CCDC178: variants seen among roughly 807,000 people sequenced by gnomAD.
CCDC178 encodes coiled-coil domain-containing protein 178.
In CCDC178, 126 loss-of-function variants were observed where a neutral mutation model predicts 117.4. The observed-to-expected ratio is 1.07, with a 90% CI of 0.93 to 1.24. CCDC178 has a LOEUF of 1.24. Among genes scored for constraint, CCDC178 ranks in the 50% most tolerant of loss-of-function variants. The pLI is 0.00. For missense variants in CCDC178, 1,030 were observed against 986.9 expected, an observed-to-expected ratio of 1.04 and a Z score of -0.59; for synonymous variants, 283 against 313.4, an observed-to-expected ratio of 0.90 and a Z score of 1.02.
rs1394829994 is a variant in CCDC178, at chr18:33,092,799, G to A, written c.2350C>T (p.Gln784Ter). Reference protein sequence around the residue: ...KDNYFNIYDKQLSLDTSIRDK... With the variant: ...KDNYFNIYDK ...CTAATTGAAGTATCAAGTGATAGCT[G>A]TTTATCATATATATTGAAATAATTG... The change falls in exon 21 of 23, where the codon CAG becomes TAG. Residue 784 changes from glutamine to a stop codon, truncating the protein, a stop_gained. Coordinates refer to ENST00000383096, the MANE Select transcript of CCDC178 (RefSeq NM_001105528.4). LOFTEE classifies it high-confidence loss of function. 2 of 1,545,592 alleles carry A rather than the reference G, an allele frequency of 1.3e-6. No individual in the cohort carries two copies. Among genetic ancestry groups the A allele is most frequent in the African/African-American group, 1.4e-5 (1 of 72,358 alleles).
intron 20 of CCDC178, among the ~76,000 whole-genome samples, chr18:33,110,793 T>C (rs575213339): frequency 1.3e-5 from 2 of 151,738 alleles, no homozygotes; most frequent in East Asian, 3.9e-4. Flanking sequence ...TGTACCAATA[T>C]CACAATTTCT....
intron 20 of CCDC178, among the ~76,000 whole-genome samples, chr18:33,195,068 G>T (rs890378744): frequency 4.7e-5 from 7 of 148,514 alleles, no homozygotes; most frequent in Non-Finnish European, 1.0e-4. Context: ...AGTGAGCTAT[G>T]ATAGCACCAC....
chr18:33,090,995 ATGT>A (rs1567982414), intron 21 of CCDC178, among the ~76,000 whole-genome samples: 2 of 152,170 alleles, frequency 1.3e-5, no homozygotes, highest in African/African-American at 4.8e-5. Flanking sequence ...CTATTTATGC[ATGT>A]ATCGAATGTA....
chr18:32,988,689 T>C (rs1427173836), intron 21 of CCDC178, among the ~76,000 whole-genome samples: 2 of 151,816 alleles, frequency 1.3e-5, no homozygotes, highest in South Asian at 2.1e-4. Context: ...ATAGAGGAAA[T>C]TCACAGAGTT....
intron 22 of CCDC178, among the ~76,000 whole-genome samples, chr18:32,948,252 G>A (rs1050492807): frequency 1.3e-5 from 2 of 151,974 alleles, no homozygotes; most frequent in Non-Finnish European, 2.9e-5. Context: ...TTGGAATTTC[G>A]ATTCAGATTG....
chr18:33,167,524 C>G (rs996654262), intron 20 of CCDC178, among the ~76,000 whole-genome samples: 6 of 152,062 alleles, frequency 3.9e-5, no homozygotes, highest in Non-Finnish European at 5.9e-5. Context: ...TGATGTTGTG[C>G]ATTTTTTTCA....
chr18:32,989,311 C>T (rs887764825), intron 21 of CCDC178, among the ~76,000 whole-genome samples: 1 of 152,138 alleles, frequency 6.6e-6, no homozygotes, highest in Non-Finnish European at 1.5e-5. Context: ...TAAAAGAAAT[C>T]TAAACATACA....
At chr18:33,031,926 A>G (rs1240288658) in intron 21 of CCDC178, among the ~76,000 whole-genome samples, 1 of 152,146 alleles carries the variant, frequency 6.6e-6, no homozygotes, top group African/African-American at 2.4e-5. Context: ...ATGAGAATGA[A>G]CTACTACTAC....
chr18:33,101,100 TTAAA>T lies in CCDC178; in HGVS notation c.2239-8194_2239-8191del, dbSNP rs2057619855. ...TTTCTCTAAATTTATTAATTGTGTATTAAATAAACTTAAAATTTTTAATCCTGAA... is the reference window on the plus strand; with the variant it reads ...TTTCTCTAAATTTATTAATTGTGTATTAAACTTAAAATTTTTAATCCTGAA... On this transcript the variant is annotated intron_variant, in intron 20 of 22. Transcript: ENST00000383096. Among the ~76,000 whole-genome samples the T allele has an allele frequency of 2.0e-5, 3 of 151,934 alleles. No individual in the cohort carries two copies. In the South Asian group the frequency reaches 6.2e-4, roughly 31 times the overall value.
chr18:33,214,885 G>C (rs912505559), intron 19 of CCDC178, among the ~76,000 whole-genome samples: 1 of 151,928 alleles, frequency 6.6e-6, no homozygotes, highest in Non-Finnish European at 1.5e-5. Context: ...ATTTAAAGCA[G>C]ACTGTTGTCC....
At chr18:33,305,953 G>C (rs1192230369) in intron 11 of CCDC178, among the ~76,000 whole-genome samples, 1 of 152,100 alleles carries the variant, frequency 6.6e-6, no homozygotes, top group Non-Finnish European at 1.5e-5. Context: ...AGACACCAGG[G>C]ATCCCTGGGT....
At chr18:33,030,696 T>C (rs551834132) in intron 21 of CCDC178, among the ~76,000 whole-genome samples, 1 of 151,686 alleles carries the variant, frequency 6.6e-6, no homozygotes, top group South Asian at 2.1e-4. Context: ...GATATAGATA[T>C]GAGAGAGAGA....
At chr18:33,312,157 T>C (rs927441282) in intron 11 of CCDC178, among the ~76,000 whole-genome samples, 1 of 152,150 alleles carries the variant, frequency 6.6e-6, no homozygotes, top group Non-Finnish European at 1.5e-5. Context: ...CTAATTCTTA[T>C]ATTCTACCAT....
intron 20 of CCDC178, among the ~76,000 whole-genome samples, chr18:33,201,292 T>A (rs1199551352): frequency 6.6e-6 from 1 of 152,210 alleles, no homozygotes; most frequent in African/African-American, 2.4e-5. Context: ...ACATTTACAT[T>A]CCTTGATTAC....
At chr18:33,093,600 T>C (rs1201351596) in intron 20 of CCDC178, among the ~76,000 whole-genome samples, 1 of 152,160 alleles carries the variant, frequency 6.6e-6, no homozygotes, top group African/African-American at 2.4e-5. Context: ...AAAATAACTT[T>C]GCATCACTAT....
chr18:33,219,526 C>T (rs558816288), intron 18 of CCDC178, among the ~76,000 whole-genome samples: 1 of 152,192 alleles, frequency 6.6e-6, no homozygotes, highest in South Asian at 2.1e-4. Flanking sequence ...GGAACCAATC[C>T]AAATGTCCAT....
At chr18:32,977,429 A>G (rs948579163) in intron 21 of CCDC178, among the ~76,000 whole-genome samples, 6 of 152,158 alleles carry the variant, frequency 3.9e-5, no homozygotes, top group Non-Finnish European at 7.4e-5. Context: ...TGCTTGTTAG[A>G]CATTAGTAAG....
rs1457399741 is a variant in CCDC178 at position 33,248,769 on chromosome 18, C to T, written c.1410-3341G>A. Among the ~76,000 whole-genome samples, 9 of 151,926 alleles carry T rather than the reference C, an allele frequency of 5.9e-5. No homozygotes were observed. The East Asian group carries it at 1.4e-3, about 23-fold the overall frequency. ...TATAGCAGCATGATTTATAATCCTT[C>T]AGGTATATACCCAGTAATGGGATGG... On this transcript the variant is annotated intron_variant, in intron 14 of 22. Coordinates refer to ENST00000383096, the MANE Select transcript of CCDC178 (RefSeq NM_001105528.4).
chr18:32,965,154 GC>G (rs1443267869), intron 22 of CCDC178, among the ~76,000 whole-genome samples: 2 of 151,928 alleles, frequency 1.3e-5, no homozygotes, highest in Non-Finnish European at 2.9e-5. Context: ...GCAAAAATGA[GC>G]AAAATTTCTT....
Sources: gnomAD v4.1 joint callset for allele counts (sites outside exome capture counted in the v4.1 genomes callset) on GRCh38, gnomAD v4.1.1 for gene constraint, MANE v1.5 for transcripts, NCBI Gene and HGNC (gene_info 2026-07-23, HGNC 2026-07-21) for gene names.